Variants in GTF2F2 observed in about 807,000 individuals in gnomAD.
The protein encoded by GTF2F2 is ATP-dependent helicase GTF2F2.
GTF2F2 carries 23 observed loss-of-function variants against 42.2 expected under a neutral mutation model. That is an observed-to-expected ratio of 0.55 (90% confidence interval 0.39 to 0.77). The LOEUF is 0.77. Among genes scored for constraint, GTF2F2 ranks in the 30% least tolerant of loss-of-function variants. The pLI is 0.00. For synonymous variants in GTF2F2, 105 were observed against 100.8 expected (o/e 1.04, Z -0.25); for missense variants, 261 against 287.2 (o/e 0.91, Z 0.66).
In GTF2F2 at chr13:45,140,737, G is replaced by A. The variant is rs546805459; in HGVS notation, c.140+3931G>A. On this transcript the variant is annotated intron_variant, in intron 2 of 7. Coordinates refer to ENST00000340473, the MANE Select transcript of GTF2F2 (RefSeq NM_004128.3). ...AATGTACATAATTAGCTACTGTTCTGTAATGAACTTCAGAGTTTTTTATAT... is the reference window on the plus strand; with the variant it reads ...AATGTACATAATTAGCTACTGTTCTATAATGAACTTCAGAGTTTTTTATAT... Among the ~76,000 whole-genome samples the A allele has an allele frequency of 3.3e-5, 5 of 152,182 alleles. No individual in the cohort carries two copies. In the East Asian group the frequency reaches 7.7e-4, roughly 24 times the overall value.
At chr13:45,169,285 A>AAT (rs1373490105) in intron 4 of GTF2F2, among the ~76,000 whole-genome samples, 2 of 152,138 alleles carry the variant, frequency 1.3e-5, no homozygotes, top group East Asian at 3.9e-4. Flanking sequence ...TCCTTATAAG[A>AAT]AAAGGAAATT....
chr13:45,233,476 A>G (rs1322773661), intron 5 of GTF2F2, among the ~76,000 whole-genome samples: 1 of 152,210 alleles, frequency 6.6e-6, no homozygotes, highest in African/African-American at 2.4e-5. Context: ...TTACTAGGAA[A>G]CCAAGGCTGT....
At chr13:45,170,292 G>A (rs1023071523) in intron 4 of GTF2F2, among the ~76,000 whole-genome samples, 2 of 152,174 alleles carry the variant, frequency 1.3e-5, no homozygotes, top group African/African-American at 4.8e-5. Flanking sequence ...GATTATAGGT[G>A]TGAGCCACTG....
intron 5 of GTF2F2, among the ~76,000 whole-genome samples, chr13:45,213,711 G>T (rs770066691): frequency 2.0e-5 from 3 of 151,486 alleles, no homozygotes; most frequent in Admixed American, 6.6e-5. Context: ...GTATTTATTG[G>T]ATTGAAATAG....
intron 4 of GTF2F2, among the ~76,000 whole-genome samples, chr13:45,161,340 T>C (rs1310550770): frequency 6.6e-6 from 1 of 152,144 alleles, no homozygotes; most frequent in Admixed American, 6.5e-5. Context: ...CCCCTGGGGA[T>C]TTATAGACCA....
intron 4 of GTF2F2, among the ~76,000 whole-genome samples, chr13:45,185,593 T>A (rs1349348555): frequency 6.6e-6 from 1 of 152,234 alleles, no homozygotes; most frequent in Non-Finnish European, 1.5e-5. Flanking sequence ...TTATATACTT[T>A]TAAGTGTTCT....
chr13:45,239,710 G>A (rs893291451), intron 5 of GTF2F2, among the ~76,000 whole-genome samples: 6 of 152,080 alleles, frequency 3.9e-5, no homozygotes, highest in African/African-American at 4.8e-5. Context: ...GTAAGCTGCC[G>A]TATTTTTATG....
intron 3 of GTF2F2, among the ~76,000 whole-genome samples, chr13:45,150,664 C>CTTTTTTTTTTTTTTTTTTTTT (rs368061537): frequency 8.2e-6 from 1 of 122,460 alleles, no homozygotes; most frequent in African/African-American, 3.7e-5. Flanking sequence ...AAAAAATCAT[C>CTTTTTTTTTTTTTTTTTTTTT]TTTTTTTTTT....
At chr13:45,138,018 T>C (rs552517126) in intron 2 of GTF2F2, among the ~76,000 whole-genome samples, 62 of 152,284 alleles carry the variant, frequency 4.1e-4, no homozygotes, top group African/African-American at 1.4e-3. Context: ...AAGAGTCAAC[T>C]AGCAGCTCTC....
intron 6 of GTF2F2, among the ~76,000 whole-genome samples, chr13:45,259,927 CTTTG>C (rs1876266859): frequency 6.6e-6 from 1 of 151,908 alleles, no homozygotes; most frequent in South Asian, 2.1e-4. Flanking sequence ...TATTTCTTTT[CTTTG>C]TTAGAATTTC....
chr13:45,211,587 T>C (rs2025422), intron 5 of GTF2F2, among the ~76,000 whole-genome samples: 1 of 81,140 alleles, frequency 1.2e-5, no homozygotes, highest in Admixed American at 1.1e-4. Flanking sequence ...AAAAAAAAAA[T>C]TTTTTTTTTT....
At chr13:45,174,633 TC>T (rs367618457) in intron 4 of GTF2F2, among the ~76,000 whole-genome samples, 6 of 139,096 alleles carry the variant, frequency 4.3e-5, no homozygotes, top group African/African-American at 8.1e-5. Flanking sequence ...TTTTCTTTTT[TC>T]TTTTTTTTTT....
Position 45,149,753 on chromosome 13 carries a change from C to G in GTF2F2, c.141-17C>G, listed in dbSNP as rs767193474. On this transcript the variant is annotated splice_polypyrimidine_tract_variant and intron_variant, in intron 2 of 7. Transcript: ENST00000340473. ...GAAATCTAAATTATTTTAAATATTTCTTTTCCTCTCCTTTAGGACTCAAGG... is the reference window on the plus strand; with the variant it reads ...GAAATCTAAATTATTTTAAATATTTGTTTTCCTCTCCTTTAGGACTCAAGG... The G allele has an allele frequency of 6.7e-7, 1 of 1,499,532 alleles. No homozygotes were observed. Among genetic ancestry groups the G allele is most frequent in the Non-Finnish European group, 8.9e-7 (1 of 1,118,852 alleles). The allele number at this position is 1,499,532 out of a possible 1,614,324, so 92.9% of individuals were successfully genotyped here. A position where few individuals can be genotyped will look rare whatever the true frequency, so the allele number is the denominator to read the frequency against.
chr13:45,254,031 C>A (rs1875987218), intron 6 of GTF2F2, among the ~76,000 whole-genome samples: 1 of 146,062 alleles, frequency 6.8e-6, no homozygotes. Context: ...CACTGCACTG[C>A]AGCCTGAGTG....
At position 45,174,634 on chromosome 13, in the gene GTF2F2, C is replaced by CTTTTCTTTTTTTTTTTTTTTTTTTTTTTT. The variant is rs1456234732; in HGVS notation, c.304+22807_304+22808insCTTTTTTTTTTTTTTTTTTTTTTTTTTTT. On this transcript the variant is annotated intron_variant, in intron 4 of 7. Transcript: ENST00000340473. The stretch of plus-strand genomic sequence containing the variant: ...TTCATGGAGCACTGTTTTCTTTTTT[C>CTTTTCTTTTTTTTTTTTTTTTTTTTTTTT]TTTTTTTTTTTTTTTTTTTTTAGAA... Among the ~76,000 whole-genome samples the CTTTTCTTTTTTTTTTTTTTTTTTTTTTTT allele has an allele frequency of 2.5e-5, 2 of 81,504 alleles. 1 individual carries two copies. The highest frequency in any genetic ancestry group is 9.3e-5 in the African/African-American group (2 of 21,486). 53.5% of individuals were successfully genotyped at this position (81,504 alleles called of 152,430 possible). A position where few individuals can be genotyped will look rare whatever the true frequency, so the allele number is the denominator to read the frequency against.
intron 7 of GTF2F2, among the ~76,000 whole-genome samples, chr13:45,272,585 A>C (rs1876844915): frequency 6.6e-6 from 1 of 151,562 alleles, no homozygotes; most frequent in Non-Finnish European, 1.5e-5. Flanking sequence ...TCTACAAAAA[A>C]ATACAAAAAT....
At chr13:45,144,090 A>G (rs1342106740) in intron 2 of GTF2F2, among the ~76,000 whole-genome samples, 1 of 152,014 alleles carries the variant, frequency 6.6e-6, no homozygotes, top group Non-Finnish European at 1.5e-5. Context: ...CGTCTCTACT[A>G]AAAATACAAA....
chr13:45,207,104 C>T (rs1873447864), intron 4 of GTF2F2: 2 of 204,808 alleles, frequency 9.8e-6, no homozygotes, highest in Non-Finnish European at 2.0e-5. Context: ...TTGTCAAAGA[C>T]GATAGCCTTT....
chr13:45,150,939 CATT>C (rs1870460702), intron 3 of GTF2F2, among the ~76,000 whole-genome samples: 1 of 151,894 alleles, frequency 6.6e-6, no homozygotes, highest in South Asian at 2.1e-4. Context: ...AGATTAGCCC[CATT>C]ATTCTTTTTG....
Sources: gnomAD v4.1 joint callset for allele counts (sites outside exome capture counted in the v4.1 genomes callset) on GRCh38, gnomAD v4.1.1 for gene constraint, MANE v1.5 for transcripts, NCBI Gene and HGNC (gene_info 2026-07-23, HGNC 2026-07-21) for gene names.